Variants in COL4A3 observed in about 807,000 individuals in gnomAD.
COL4A3 encodes the protein collagen type IV alpha 3 chain, also known as collagen alpha-3(IV) chain.
A neutral mutation model predicts 217.4 loss-of-function variants in COL4A3; 135 were observed. The observed-to-expected ratio is 0.62, with a 90% confidence interval of 0.54 to 0.72. The LOEUF (loss-of-function observed/expected upper bound fraction) is 0.72, where lower values mean the gene tolerates loss of function less well. Among genes scored for constraint, COL4A3 ranks in the 30% least tolerant of loss-of-function variants. COL4A3 has a pLI of 0.00. For missense variants in COL4A3, 1,868 were observed against 2,119.9 expected (o/e 0.88, Z 2.33); for synonymous variants, 690 against 736.3 (o/e 0.94, Z 1.02).
chr2:227,272,576 G>T (rs2071305446), intron 25 of COL4A3, among the ~76,000 whole-genome samples: 1 of 152,094 alleles, frequency 6.6e-6, no homozygotes, highest in Non-Finnish European at 1.5e-5. Flanking sequence ...CAGAAATAAA[G>T]GTTTGCTGTG....
intron 3 of COL4A3, among the ~76,000 whole-genome samples, chr2:227,240,565 T>G (rs1403022980): frequency 6.6e-6 from 1 of 152,208 alleles, no homozygotes; most frequent in Non-Finnish European, 1.5e-5. Context: ...TCCAACCACC[T>G]GTGCCCCATC....
intron 1 of COL4A3, among the ~76,000 whole-genome samples, chr2:227,236,307 A>T (rs192681331): frequency 2.0e-4 from 31 of 152,322 alleles, no homozygotes; most frequent in Non-Finnish European, 3.7e-4. Context: ...TATGAACATG[A>T]TGAGTGTCAA....
intron 42 of COL4A3, 89 bp downstream of exon 42, chr2:227,297,948 GCTT>G (rs2073103530): frequency 2.1e-6 from 3 of 1,402,840 alleles, no homozygotes; most frequent in South Asian, 1.2e-5. Context: ...TTACCTTGTT[GCTT>G]CTTCTTTCCC....
At chr2:227,203,892 A>AT (rs1559823926) in intron 1 of COL4A3, among the ~76,000 whole-genome samples, 1 of 151,882 alleles carries the variant, frequency 6.6e-6, no homozygotes, top group African/African-American at 2.4e-5. Flanking sequence ...ATTCCCCTAA[A>AT]ATATAAGCCT....
Position 227,164,677 on chromosome 2 carries a change from G to T in COL4A3, c.-50G>T. Reference sequence around the variant, plus strand: ...CGCTGCGCAGGAGACGCGGTGGCCTGAGAGCCTGAGGGTCCCCGGACTCGC... The same window carrying T: ...CGCTGCGCAGGAGACGCGGTGGCCTTAGAGCCTGAGGGTCCCCGGACTCGC... On this transcript the variant is annotated 5_prime_UTR_variant, in exon 1 of 52. Coordinates refer to ENST00000396578, the MANE Select transcript of COL4A3 (RefSeq NM_000091.5). This position sits in a 1 kb window ranked among gnomAD's most constrained non-coding sequence, Gnocchi z 4.8. 6.5e-7 allele frequency: 1 copy of T among 1,529,532 alleles called. No homozygotes were observed. The highest frequency in any genetic ancestry group is 1.2e-5 in the South Asian group (1 of 83,746). 94.7% of individuals were successfully genotyped at this position (1,529,532 alleles called of 1,614,324 possible). A position where few individuals can be genotyped will look rare whatever the true frequency, so the allele number is the denominator to read the frequency against.
chr2:227,167,919 T>TA (rs1353411518), intron 1 of COL4A3, among the ~76,000 whole-genome samples: 1 of 152,218 alleles, frequency 6.6e-6, no homozygotes, highest in Non-Finnish European at 1.5e-5. Context: ...CTGTTCTCCG[T>TA]AAAAAATAAG....
At chr2:227,309,376 G>A in intron 50 of COL4A3, 58 bp downstream of exon 50, 1 of 1,325,920 alleles carries the variant, frequency 7.5e-7, no homozygotes. Context: ...ATGTTACATT[G>A]TGCTGGGTAA....
At chr2:227,236,257 T>C (rs1380429121) in intron 1 of COL4A3, among the ~76,000 whole-genome samples, 2 of 152,256 alleles carry the variant, frequency 1.3e-5, no homozygotes, top group African/African-American at 2.4e-5. Context: ...TCTGGGTAGA[T>C]ACCCAGTAGT....
At chr2:227,240,047 TG>T (rs2068931531) in intron 2 of COL4A3, 95 bp from the exon 3 acceptor site, 1 of 1,087,972 alleles carries the variant, frequency 9.2e-7, no homozygotes, top group African/African-American at 1.6e-5. Context: ...AGAGTCACCA[TG>T]AAGTCATAAA....
chr2:227,215,599 C>T (rs954237335), intron 1 of COL4A3, among the ~76,000 whole-genome samples: 4 of 152,150 alleles, frequency 2.6e-5, no homozygotes, highest in Non-Finnish European at 4.4e-5. Flanking sequence ...GCTGGGATTA[C>T]AGGTGCCCAC....
intron 3 of COL4A3, among the ~76,000 whole-genome samples, chr2:227,241,297 A>G (rs1048831634): frequency 2.0e-5 from 3 of 152,224 alleles, no homozygotes; most frequent in Non-Finnish European, 4.4e-5. Context: ...GACCTCCAGC[A>G]AGCTATAAAC....
intron 1 of COL4A3, among the ~76,000 whole-genome samples, chr2:227,200,965 C>G (rs541663725): frequency 8.5e-5 from 13 of 152,124 alleles, no homozygotes; most frequent in Non-Finnish European, 1.9e-4. Flanking sequence ...TTTAAACATT[C>G]AAGAACATGG....
At chr2:227,226,891 G>A (rs1390093920) in intron 1 of COL4A3, among the ~76,000 whole-genome samples, 1 of 152,214 alleles carries the variant, frequency 6.6e-6, no homozygotes, top group Non-Finnish European at 1.5e-5. Context: ...TTTAGGCTTT[G>A]CAAGCCAAGA....
intron 1 of COL4A3, among the ~76,000 whole-genome samples, chr2:227,229,311 T>G (rs1269197732): frequency 2.6e-5 from 4 of 152,226 alleles, no homozygotes; most frequent in Non-Finnish European, 5.9e-5. Flanking sequence ...ACCAATATTT[T>G]GTTAAATAAA....
intron 1 of COL4A3, among the ~76,000 whole-genome samples, chr2:227,187,176 G>A (rs1478898791): frequency 1.3e-5 from 2 of 152,144 alleles, no homozygotes; most frequent in East Asian, 3.8e-4. Flanking sequence ...ACCCTACTCA[G>A]GATACTAGAG....
intron 6 of COL4A3, 59 bp downstream of exon 6, chr2:227,246,075 G>A: frequency 7.4e-7 from 1 of 1,355,576 alleles, no homozygotes. Context: ...ATTAAATCAA[G>A]GTGAAATGGC....
At chr2:227,256,529 A>G in intron 17 of COL4A3, 133 bp downstream of exon 17, 1 of 827,336 alleles carries the variant, frequency 1.2e-6, no homozygotes, top group Non-Finnish European at 2.1e-6. Flanking sequence ...TAGGTCTGTT[A>G]AGAAGAAAAG....
chr2:227,208,851 A>T (rs2067204451), intron 1 of COL4A3, among the ~76,000 whole-genome samples: 1 of 147,302 alleles, frequency 6.8e-6, no homozygotes, highest in Non-Finnish European at 1.5e-5. Context: ...AAGAGGAGCA[A>T]AAAACAAAGA....
chr2:227,251,185 G>C lies in COL4A3; in HGVS notation c.592G>C (p.Gly198Arg). 1 of 1,613,594 alleles carries C rather than the reference G, an allele frequency of 6.2e-7. No homozygotes were observed. The highest frequency in any genetic ancestry group is 8.5e-7 in the Non-Finnish European group (1 of 1,179,606). ...PGFPGPVGPP[G>R]PPGFFGFPGA... ...TTTTCCTGGGCCTGTTGGCCCACCT[G>C]GTCCTCCGGGATTCTTTGTGAGTAT... Residue 198 changes from glycine (G) to arginine (R), a missense_variant, in exon 10 of 52, where the codon GGT (glycine) becomes CGT (arginine). Transcript: ENST00000396578.
Sources: allele counts gnomAD v4.1 joint callset (sites outside exome capture counted in the v4.1 genomes callset), GRCh38; gene constraint gnomAD v4.1.1; non-coding constraint Gnocchi (gnomAD v3.1); transcripts MANE v1.5; gene names NCBI Gene and HGNC (gene_info 2026-07-23, HGNC 2026-07-21).